Variants in FRMD5 observed in about 807,000 individuals in gnomAD.
FRMD5 encodes the protein FERM domain-containing protein 5.
Under a neutral mutation model 69.0 loss-of-function variants are expected in FRMD5, and 20 were observed. That is an observed-to-expected ratio of 0.29 (90% CI 0.20 to 0.42). The LOEUF is 0.42. FRMD5 is among the 10% of genes least tolerant of loss of function. The pLI is 1.00. For synonymous variants in FRMD5, 271 were observed against 260.1 expected, an observed-to-expected ratio of 1.04 and a Z score of -0.40; for missense variants, 595 against 708.6, an observed-to-expected ratio of 0.84 and a Z score of 1.82.
intron 1 of FRMD5, among the ~76,000 whole-genome samples, chr15:44,081,202 A>G (rs1383708460): frequency 2.0e-5 from 3 of 152,074 alleles, no homozygotes; most frequent in Non-Finnish European, 4.4e-5. Context: ...AAAAAAATTC[A>G]TTACACTCCA....
At chr15:43,983,514 C>A (rs1295008062) in intron 1 of FRMD5, among the ~76,000 whole-genome samples, 1 of 152,154 alleles carries the variant, frequency 6.6e-6, no homozygotes. Flanking sequence ...CTCCAAAAGT[C>A]TGTTATCGCC....
At chr15:44,033,854 CG>C (rs943872468) in intron 1 of FRMD5, among the ~76,000 whole-genome samples, 19 of 152,216 alleles carry the variant, frequency 1.2e-4, no homozygotes, top group African/African-American at 4.6e-4. Flanking sequence ...CCCTAAGATT[CG>C]TAAGAATTAA....
At chr15:44,091,925 T>G (rs1234126790) in intron 1 of FRMD5, among the ~76,000 whole-genome samples, 1 of 152,074 alleles carries the variant, frequency 6.6e-6, no homozygotes, top group South Asian at 2.1e-4. Flanking sequence ...GAATTTAGGA[T>G]AGAGGTGAGG....
At chr15:44,049,705 A>C (rs1473495589) in intron 1 of FRMD5, among the ~76,000 whole-genome samples, 1 of 152,178 alleles carries the variant, frequency 6.6e-6, no homozygotes, top group East Asian at 1.9e-4. Flanking sequence ...TCAGTCAGTC[A>C]ACAAATGTTA....
chr15:44,019,277 T>G (rs1297897327), intron 1 of FRMD5, among the ~76,000 whole-genome samples: 2 of 152,130 alleles, frequency 1.3e-5, no homozygotes, highest in Non-Finnish European at 2.9e-5. Context: ...ATCCTAGAGT[T>G]TATATTTTTA....
chr15:43,985,557 G>A (rs953994087), intron 1 of FRMD5, among the ~76,000 whole-genome samples: 3 of 152,100 alleles, frequency 2.0e-5, no homozygotes, highest in Non-Finnish European at 2.9e-5. Context: ...TAAATATATA[G>A]ATTCTGAGGC....
chr15:44,039,355 TGACCC>T (rs1892082036), intron 1 of FRMD5, among the ~76,000 whole-genome samples: 1 of 152,204 alleles, frequency 6.6e-6, no homozygotes, highest in Admixed American at 6.5e-5. Flanking sequence ...AGTGGGTCCC[TGACCC>T]CTGTGTATTC....
chr15:43,962,926 C>A (rs370207570), intron 1 of FRMD5, among the ~76,000 whole-genome samples: 6 of 152,216 alleles, frequency 3.9e-5, no homozygotes, highest in East Asian at 1.9e-4. Flanking sequence ...TAAAGACTTA[C>A]ATGTTAGACC....
At position 44,080,851 on chromosome 15, in the gene FRMD5, T is replaced by G. The variant is rs141862483; in HGVS notation, c.102+114102A>C. Among the ~76,000 whole-genome samples the G allele has an allele frequency of 2.3e-3, 349 of 152,206 alleles. 8 individuals carry two copies. The East Asian group carries it at 0.058, about 25-fold the overall frequency. ...AGCTGGTCTACCTAGATGTGAAATT[T>G]ATGAATTTCCTCTAAATCTTGGCTA... On this transcript the variant is annotated intron_variant, in intron 1 of 13. Coordinates refer to ENST00000417257, the MANE Select transcript of FRMD5 (RefSeq NM_032892.5).
chr15:43,882,726 G>T (rs896130491), intron 13 of FRMD5, among the ~76,000 whole-genome samples: 39 of 152,134 alleles, frequency 2.6e-4, no homozygotes, highest in African/African-American at 9.4e-4. Flanking sequence ...GAACCAAGAA[G>T]TGAAAATTCT....
At chr15:44,195,784 C>T (rs763652914), upstream of FRMD5, among the ~76,000 whole-genome samples, 1 of 152,212 alleles carries the variant, frequency 6.6e-6, no homozygotes, top group Non-Finnish European at 1.5e-5. Flanking sequence ...TGTGCTCCAG[C>T]CCTCTTATTT....
chr15:43,989,339 T>C, intron 1 of FRMD5: 1 of 784,354 alleles, frequency 1.3e-6, no homozygotes, highest in Non-Finnish European at 2.4e-6. Flanking sequence ...TCACACTTCA[T>C]GATGGAGTTG....
intron 1 of FRMD5, among the ~76,000 whole-genome samples, chr15:44,153,825 G>T (rs548193877): frequency 1.3e-5 from 2 of 152,102 alleles, no homozygotes; most frequent in African/African-American, 4.8e-5. Flanking sequence ...GAAATTAGCC[G>T]GGCATAATGG....
At chr15:44,135,660 A>C (rs2077170773) in intron 1 of FRMD5, among the ~76,000 whole-genome samples, 1 of 151,942 alleles carries the variant, frequency 6.6e-6, no homozygotes, top group Admixed American at 6.6e-5. Flanking sequence ...CCCCATCTCT[A>C]CTAAAAGTAC....
intron 1 of FRMD5, among the ~76,000 whole-genome samples, chr15:44,155,028 A>C (rs1201561651): frequency 6.6e-6 from 1 of 152,234 alleles, no homozygotes; most frequent in African/African-American, 2.4e-5. Flanking sequence ...ATCATTAGGC[A>C]TCAGATTAGC....
intron 8 of FRMD5, among the ~76,000 whole-genome samples, chr15:43,891,624 G>C (rs921053469): frequency 7.9e-5 from 12 of 152,046 alleles, no homozygotes; most frequent in Non-Finnish European, 1.8e-4. Flanking sequence ...CAGAACAGCC[G>C]GCTCAACAGG....
At chr15:44,114,175 T>C (rs776507619) in intron 1 of FRMD5, among the ~76,000 whole-genome samples, 2 of 152,160 alleles carry the variant, frequency 1.3e-5, no homozygotes, top group Non-Finnish European at 2.9e-5. Flanking sequence ...GACAGTAGTA[T>C]AAATGGAGTT....
intron 1 of FRMD5, among the ~76,000 whole-genome samples, chr15:44,157,846 TA>T (rs1007077136): frequency 6.6e-6 from 1 of 151,048 alleles, no homozygotes; most frequent in Admixed American, 6.6e-5. Context: ...ATTTCAAACT[TA>T]AAAAAAAAGA....
intron 1 of FRMD5, among the ~76,000 whole-genome samples, chr15:44,188,109 G>A (rs2078133560): frequency 1.3e-5 from 2 of 152,012 alleles, no homozygotes; most frequent in African/African-American, 2.4e-5. Flanking sequence ...CCCCTAGTGC[G>A]TCAAGTTGTG....
Sources: gnomAD v4.1 joint callset for allele counts (sites outside exome capture counted in the v4.1 genomes callset) on GRCh38, gnomAD v4.1.1 for gene constraint, MANE v1.5 for transcripts, NCBI Gene and HGNC (gene_info 2026-07-23, HGNC 2026-07-21) for gene names.